The following SCML4 variants were observed in gnomAD, a reference collection of about 807,000 sequenced individuals.
SCML4 encodes sex comb on midleg-like protein 4.
SCML4 carries 34 observed loss-of-function variants against 41.1 expected under a neutral mutation model. That is an observed-to-expected ratio of 0.83 (90% CI 0.63 to 1.10). SCML4 has a LOEUF of 1.10. Ranked by LOEUF, SCML4 falls within the 50% of genes least tolerant of loss-of-function variation. The pLI, the probability that SCML4 is intolerant of heterozygous loss-of-function variation, is 0.00. For synonymous variants in SCML4, 214 were observed against 220.9 expected (o/e 0.97, Z 0.28); for missense variants, 522 against 534.1 (o/e 0.98, Z 0.22).
chr6:107,778,209 AAAAAAAAAAAAAAATATATATATAT>A (rs1423121357), intron 1 of SCML4, among the ~76,000 whole-genome samples: 6 of 9,914 alleles, frequency 6.1e-4, no homozygotes, highest in Admixed American at 2.1e-3. Flanking sequence ...AAAAAAAAAA[AAAAAAAAAAAAAAATATATATATAT>A]ATATATATAT....
intron 1 of SCML4, among the ~76,000 whole-genome samples, chr6:107,780,683 G>A (rs1413559804): frequency 1.3e-5 from 2 of 151,838 alleles, no homozygotes; most frequent in Non-Finnish European, 2.9e-5. Context: ...CTCCAGCCTA[G>A]GCGACAGAGT....
intron 2 of SCML4, among the ~76,000 whole-genome samples, chr6:107,751,540 G>A (rs913116611): frequency 6.6e-5 from 10 of 151,806 alleles, no homozygotes; most frequent in Non-Finnish European, 1.3e-4. Flanking sequence ...TTTGAGCAGA[G>A]AAACAATAGG....
At position 107,738,770 on chromosome 6, in the gene SCML4, A is replaced by G. The variant is rs145050949; in HGVS notation, c.682+6179T>C. On this transcript the variant is annotated intron_variant, in intron 5 of 7. Transcript: ENST00000369020. ...CCTTCACCTCTGGGAGGCCCTTGCT[A>G]ATGCTTTGAAGGTAACCTGCCCTCC... Among the ~76,000 whole-genome samples, 393 of 152,156 alleles carry G rather than the reference A, an allele frequency of 2.6e-3. 3 individuals are homozygous for G. The highest frequency in any genetic ancestry group is 9.1e-3 in the African/African-American group (378 of 41,500).
rs1359504664 is a variant in SCML4, at chr6:107,703,518, G to T, written c.*1682C>A. On this transcript the variant is annotated 3_prime_UTR_variant, in exon 8 of 8. Coordinates refer to ENST00000369020, the MANE Select transcript of SCML4 (RefSeq NM_198081.5). The stretch of plus-strand genomic sequence containing the variant: ...ACATGAAAGTGGGCCTAACGGCATG[G>T]CATGGACTATTTCTTATGGCCTTCA... Among the ~76,000 whole-genome samples, 1 of 152,220 alleles carries T rather than the reference G, an allele frequency of 6.6e-6. No individual in the cohort carries two copies. Among genetic ancestry groups the T allele is most frequent in the African/African-American group, 2.4e-5 (1 of 41,456 alleles).
Position 107,741,336 on chromosome 6 carries a change from T to A in SCML4, c.682+3613A>T, listed in dbSNP as rs559629933. Among the ~76,000 whole-genome samples, 6 of 152,098 alleles carry A rather than the reference T, an allele frequency of 3.9e-5. No homozygotes were observed. The South Asian group carries it at 1.2e-3, about 32-fold the overall frequency. Reference sequence around the variant, plus strand: ...GCTTAGCACCAAGCATGCAGAAAAATGTCTCCCAATTCACTGTTTCTACAC... The same window carrying A: ...GCTTAGCACCAAGCATGCAGAAAAAAGTCTCCCAATTCACTGTTTCTACAC... On this transcript the variant is annotated intron_variant, in intron 5 of 7. Coordinates refer to ENST00000369020, the MANE Select transcript of SCML4 (RefSeq NM_198081.5).
chr6:107,751,878 C>T (rs932000311), intron 2 of SCML4, among the ~76,000 whole-genome samples: 2 of 152,074 alleles, frequency 1.3e-5, no homozygotes, highest in Admixed American at 1.3e-4. Flanking sequence ...TCATGATCTG[C>T]CTGCCCTGGC....
At chr6:107,754,833 G>A (rs992020246) in intron 2 of SCML4, among the ~76,000 whole-genome samples, 1 of 152,162 alleles carries the variant, frequency 6.6e-6, no homozygotes, top group Non-Finnish European at 1.5e-5. Context: ...TAGAGGTCAG[G>A]TGTATTGGCT....
chr6:107,788,761 T>G (rs1405027743), intron 1 of SCML4, among the ~76,000 whole-genome samples: 1 of 152,188 alleles, frequency 6.6e-6, no homozygotes, highest in Non-Finnish European at 1.5e-5. Flanking sequence ...GCCATCATTG[T>G]ATGTACAGTC....
At chr6:107,817,552 C>A (rs535360127) in intron 1 of SCML4, among the ~76,000 whole-genome samples, 20 of 133,682 alleles carry the variant, frequency 1.5e-4, no homozygotes, top group African/African-American at 5.2e-4. Context: ...ACCTGGGAGG[C>A]AGAGGCTGCC....
In SCML4 at chr6:107,744,958, T is replaced by C. The variant is rs1404594866; in HGVS notation, c.673A>G (p.Met225Val). 2.5e-6 allele frequency: 4 copies of C among 1,608,910 alleles called. No individual in the cohort carries two copies. Among genetic ancestry groups the C allele is most frequent in the African/African-American group, 2.7e-5 (2 of 74,760 alleles). The change falls in exon 5 of 8, where the codon ATG (methionine) becomes GTG (valine). Residue 225 changes from methionine (M) to valine (V), a missense_variant. Transcript: ENST00000369020. ...GCAGGACAAGGCCTACCTGATTCCA[T>C]CCTCCCTTCCTCTTTCTCCTGGACT... is the stretch of plus-strand genomic sequence containing the variant. ...EKVQEKEEGR[M>V]ESVKTVTTEE...
At chr6:107,792,803 G>A (rs1421690245) in intron 1 of SCML4, among the ~76,000 whole-genome samples, 1 of 151,950 alleles carries the variant, frequency 6.6e-6, no homozygotes, top group Non-Finnish European at 1.5e-5. Flanking sequence ...GGAAAGCCTT[G>A]CTATTTGAAA....
At chr6:107,812,797 T>C (rs1784250449) in intron 1 of SCML4, among the ~76,000 whole-genome samples, 1 of 151,748 alleles carries the variant, frequency 6.6e-6, no homozygotes, top group African/African-American at 2.4e-5. Flanking sequence ...ATCTCCAGCT[T>C]CCAATCACAG....
chr6:107,768,344 C>G (rs1480781559), intron 2 of SCML4, among the ~76,000 whole-genome samples: 1 of 152,186 alleles, frequency 6.6e-6, no homozygotes, highest in African/African-American at 2.4e-5. Context: ...TTTAAAGTCA[C>G]TGTTATTTAG....
intron 5 of SCML4, among the ~76,000 whole-genome samples, chr6:107,732,843 T>A (rs547164710): frequency 6.6e-6 from 1 of 152,138 alleles, no homozygotes; most frequent in Non-Finnish European, 1.5e-5. Flanking sequence ...CTTGGGGAAA[T>A]TAAAAGTGGT....
upstream of SCML4, among the ~76,000 whole-genome samples, chr6:107,829,278 C>T (rs12205214): frequency 0.19 from 28,138 of 151,638 alleles, 2,822 homozygotes; most frequent in African/African-American, 0.25. Flanking sequence ...CCCAGCCACT[C>T]GGTAGGCTGA....
rs1773328136 is a variant in SCML4 at position 107,703,346 on chromosome 6, C to A, written c.*1854G>T. Among the ~76,000 whole-genome samples the A allele has an allele frequency of 6.6e-6, 1 of 152,172 alleles. No homozygotes were observed. The highest frequency in any genetic ancestry group is 6.5e-5 in the Admixed American group (1 of 15,280). Reference sequence around the variant, plus strand: ...TTCCTGTAACAAAATCACCAGACATCAAGCTCTTCTACAATCTAATAACTC... The same window carrying A: ...TTCCTGTAACAAAATCACCAGACATAAAGCTCTTCTACAATCTAATAACTC... On this transcript the variant is annotated 3_prime_UTR_variant, in exon 8 of 8. Coordinates refer to ENST00000369020, the MANE Select transcript of SCML4 (RefSeq NM_198081.5).
chr6:107,705,946 T>C (rs1303430477), intron 7 of SCML4, among the ~76,000 whole-genome samples: 2 of 152,200 alleles, frequency 1.3e-5, no homozygotes, highest in Non-Finnish European at 2.9e-5. Context: ...CCATTGGTCA[T>C]TGAAAATGGT....
At chr6:107,826,506 A>G (rs1200088503), upstream of SCML4, among the ~76,000 whole-genome samples, 1 of 152,210 alleles carries the variant, frequency 6.6e-6, no homozygotes, top group African/African-American at 2.4e-5. Context: ...ATTAAAAAAA[A>G]TAACATTTCT....
At chr6:107,763,868 A>G (rs1183321043) in intron 2 of SCML4, among the ~76,000 whole-genome samples, 1 of 152,166 alleles carries the variant, frequency 6.6e-6, no homozygotes, top group African/African-American at 2.4e-5. Context: ...TTCCATATTG[A>G]AGCCACCCAG....
Sources: gnomAD v4.1 joint callset for allele counts (sites outside exome capture counted in the v4.1 genomes callset) on GRCh38, gnomAD v4.1.1 for gene constraint, MANE v1.5 for transcripts, NCBI Gene and HGNC (gene_info 2026-07-23, HGNC 2026-07-21) for gene names.